Variants in INPP4B observed in about 807,000 individuals in gnomAD.
INPP4B encodes the protein inositol polyphosphate-4-phosphatase type II B, also known as inositol polyphosphate 4-phosphatase type II.
In INPP4B, 55 loss-of-function variants were observed where a neutral mutation model predicts 122.5. The ratio of observed to expected loss-of-function variants is 0.45; its 90% CI spans 0.36 to 0.56. INPP4B has a LOEUF of 0.56. Among genes scored for constraint, INPP4B ranks in the 20% least tolerant of loss-of-function variants. The pLI, the probability that INPP4B is intolerant of heterozygous loss-of-function variation, is 0.00. For missense variants in INPP4B, 1,000 were observed against 1,097.7 expected (o/e 0.91, Z 1.26); for synonymous variants, 403 against 388.7 (o/e 1.04, Z -0.43).
chr4:142,049,791 T>A (rs1753514891), intron 25 of INPP4B, among the ~76,000 whole-genome samples: 1 of 152,084 alleles, frequency 6.6e-6, no homozygotes, highest in Non-Finnish European at 1.5e-5. Context: ...TACACTTGAC[T>A]AAAATGTGAG....
chr4:142,423,914 T>A (rs1807482325), intron 5 of INPP4B: 1 of 351,570 alleles, frequency 2.8e-6, no homozygotes, highest in African/African-American at 2.2e-5. Context: ...TTGAGGAGAA[T>A]ACTGTTTTCA....
At chr4:142,318,260 G>A (rs1372832731) in intron 7 of INPP4B, among the ~76,000 whole-genome samples, 1 of 152,034 alleles carries the variant, frequency 6.6e-6, no homozygotes, top group Admixed American at 6.6e-5. Flanking sequence ...GGGGAGGAAA[G>A]AAAGAAGGAG....
chr4:142,809,814 T>G (rs960909975), intron 1 of INPP4B, among the ~76,000 whole-genome samples: 4 of 151,958 alleles, frequency 2.6e-5, no homozygotes, highest in African/African-American at 9.7e-5. Flanking sequence ...CTGGAAAAGG[T>G]TTGACTTTTC....
chr4:142,576,505 AT>A (rs548352679), intron 2 of INPP4B, among the ~76,000 whole-genome samples: 1 of 151,978 alleles, frequency 6.6e-6, no homozygotes, highest in Non-Finnish European at 1.5e-5. Flanking sequence ...ATATAAAAAA[AT>A]ATAGTATGAG....
At chr4:142,599,025 G>A (rs187673924) in intron 2 of INPP4B, among the ~76,000 whole-genome samples, 1 of 152,262 alleles carries the variant, frequency 6.6e-6, no homozygotes, top group East Asian at 1.9e-4. Flanking sequence ...GCCACAGAGA[G>A]TGAGAGAGCC....
At chr4:142,809,306 C>T (rs954932816) in intron 1 of INPP4B, among the ~76,000 whole-genome samples, 3 of 151,956 alleles carry the variant, frequency 2.0e-5, no homozygotes, top group African/African-American at 4.8e-5. Flanking sequence ...TAAGAAAAGA[C>T]GTTAAGAGGA....
intron 1 of INPP4B, among the ~76,000 whole-genome samples, chr4:142,782,555 C>T (rs2151032495): frequency 6.6e-6 from 1 of 151,598 alleles, no homozygotes; most frequent in African/African-American, 2.4e-5. Flanking sequence ...GAGGAATCTC[C>T]ACACTGACTT....
intron 5 of INPP4B, 52 bp from the exon 6 acceptor site, chr4:142,405,376 G>A (rs1803084079): frequency 3.6e-6 from 4 of 1,113,480 alleles, no homozygotes; most frequent in Non-Finnish European, 5.5e-6. Flanking sequence ...CATATCTCAG[G>A]GAAAACTTCT....
At chr4:142,374,781 T>A (rs1579884863) in intron 7 of INPP4B, among the ~76,000 whole-genome samples, 1 of 151,874 alleles carries the variant, frequency 6.6e-6, no homozygotes, top group South Asian at 2.1e-4. Flanking sequence ...ATCAATTCCG[T>A]TTTTTATTCA....
intron 1 of INPP4B, among the ~76,000 whole-genome samples, chr4:142,768,388 T>C (rs1772482264): frequency 6.6e-6 from 1 of 152,176 alleles, no homozygotes; most frequent in Non-Finnish European, 1.5e-5. Context: ...TTGGGTGTAA[T>C]TGCTACACAA....
intron 2 of INPP4B, among the ~76,000 whole-genome samples, chr4:142,541,712 C>T (rs113313652): frequency 5.3e-4 from 81 of 152,278 alleles, no homozygotes; most frequent in African/African-American, 1.7e-3. Context: ...TGTGTGCTTG[C>T]TCAGCTCCTG....
intron 2 of INPP4B, among the ~76,000 whole-genome samples, chr4:142,721,695 C>T (rs1379388659): frequency 6.6e-6 from 1 of 152,068 alleles, no homozygotes; most frequent in Non-Finnish European, 1.5e-5. Flanking sequence ...GTAGCGCGTG[C>T]CTGTAGTCCC....
intron 19 of INPP4B, among the ~76,000 whole-genome samples, chr4:142,123,717 T>C (rs1797523302): frequency 6.6e-6 from 1 of 152,134 alleles, no homozygotes; most frequent in African/African-American, 2.4e-5. Flanking sequence ...ACTTAAGCAC[T>C]TCCAAATCTT....
At position 142,238,895 on chromosome 4, in the gene INPP4B, C is replaced by T. The variant is rs183871444; in HGVS notation, c.689-884G>A. ...GAATGCCTATGTCACACTTACACACCAAAGCTTAGTGGGCAACAAAATATC... is the reference window on the plus strand; with the variant it reads ...GAATGCCTATGTCACACTTACACACTAAAGCTTAGTGGGCAACAAAATATC... On this transcript the variant is annotated intron_variant, in intron 11 of 25. Coordinates refer to ENST00000262992, the MANE Select transcript of INPP4B (RefSeq NM_001101669.3). Among the ~76,000 whole-genome samples, 16 of 152,158 alleles carry T rather than the reference C, an allele frequency of 1.1e-4. No homozygotes were observed. In the South Asian group the frequency reaches 3.3e-3, roughly 32 times the overall value.
intron 2 of INPP4B, among the ~76,000 whole-genome samples, chr4:142,602,834 A>G (rs1740336506): frequency 6.6e-6 from 1 of 152,208 alleles, no homozygotes; most frequent in Non-Finnish European, 1.5e-5. Flanking sequence ...CAGAAAGATC[A>G]TTTGACCCAG....
intron 1 of INPP4B, among the ~76,000 whole-genome samples, chr4:142,786,212 C>T (rs1775740211): frequency 6.6e-6 from 1 of 151,968 alleles, no homozygotes; most frequent in Non-Finnish European, 1.5e-5. Context: ...AAGAAATATC[C>T]AAGATTAGGC....
In INPP4B at chr4:142,246,002, A is replaced by G. The variant is rs990183344; in HGVS notation, c.689-7991T>C. ...TGTGTATGTATACATATATATGTGT[A>G]TGTATACACACATGTGTGTATGTAC... On this transcript the variant is annotated intron_variant, in intron 11 of 25. Coordinates refer to ENST00000262992, the MANE Select transcript of INPP4B (RefSeq NM_001101669.3). 6.4e-3 allele frequency among the ~76,000 whole-genome samples: 874 copies of G among 136,130 alleles called. 68 individuals carry two copies. Among genetic ancestry groups the G allele is most frequent in the African/African-American group, 0.016 (533 of 33,972 alleles). The allele number at this position is 136,130 out of a possible 152,430, so 89.3% of individuals were successfully genotyped here.
chr4:142,675,068 G>A (rs1434834182), intron 2 of INPP4B, among the ~76,000 whole-genome samples: 7 of 152,134 alleles, frequency 4.6e-5, no homozygotes, highest in African/African-American at 1.7e-4. Flanking sequence ...GAATCCAGGA[G>A]GTGGTTTTTT....
At chr4:142,768,113 T>G (rs1174552522) in intron 1 of INPP4B, 1 of 152,182 alleles carries the variant, frequency 6.6e-6, no homozygotes, top group African/African-American at 2.4e-5. Context: ...TGTAGGGACT[T>G]AATAAAGTAA....
Sources: allele counts gnomAD v4.1 joint callset (sites outside exome capture counted in the v4.1 genomes callset), GRCh38; gene constraint gnomAD v4.1.1; transcripts MANE v1.5; gene names NCBI Gene and HGNC (gene_info 2026-07-23, HGNC 2026-07-21).